ANKRD10: variants seen among roughly 807,000 people sequenced by gnomAD.
ANKRD10 encodes the protein ankyrin repeat domain-containing protein 10.
In ANKRD10, 14 loss-of-function variants were observed where a neutral mutation model predicts 27.0. The ratio of observed to expected loss-of-function variants is 0.52; its 90% confidence interval spans 0.34 to 0.81. The LOEUF (loss-of-function observed/expected upper bound fraction) is 0.81. ANKRD10 is among the 40% of genes least tolerant of loss of function. ANKRD10 has a pLI of 0.01. For synonymous variants in ANKRD10, 250 were observed against 224.5 expected (o/e 1.11, Z -1.01); for missense variants, 493 against 544.0 (o/e 0.91, Z 0.93).
In ANKRD10 at chr13:110,880,096, G is replaced by A. The variant is rs937518290; in HGVS notation, c.804C>T (p.Ser268=). ...FAVVTDMKNS[S]SVSNTLTNGC... ...CATTTGTCAATGTATTCGATACGGA[G>A]CTACTGTTTTTCATATCTGCATTAA... The change falls in exon 6 of 6, where the codon AGC becomes AGT. Residue 268 remains serine (S), a synonymous_variant. Transcript: ENST00000267339. 2.7e-5 allele frequency: 44 copies of A among 1,613,004 alleles called. No individual in the cohort carries two copies. The highest frequency in any genetic ancestry group is 3.7e-5 in the Non-Finnish European group (44 of 1,179,076).
At chr13:110,896,628 G>C (rs1473765567) in intron 3 of ANKRD10, among the ~76,000 whole-genome samples, 1 of 152,190 alleles carries the variant, frequency 6.6e-6, no homozygotes, top group Admixed American at 6.5e-5. Context: ...TTTCTAAAAA[G>C]GACTATGTAG....
intron 4 of ANKRD10, among the ~76,000 whole-genome samples, chr13:110,883,996 A>C (rs1168395965): frequency 6.6e-6 from 1 of 152,212 alleles, no homozygotes. Flanking sequence ...TGCAGATTTT[A>C]AGGTCATGGA....
chr13:110,887,218 G>A (rs1459906862), intron 4 of ANKRD10, among the ~76,000 whole-genome samples: 2 of 152,162 alleles, frequency 1.3e-5, no homozygotes, highest in African/African-American at 4.8e-5. Context: ...GAAATTTGGG[G>A]GTTGCACAAA....
chr13:110,914,985 G>A lies in ANKRD10; in HGVS notation c.-51C>T, dbSNP rs1039349392. The A allele has an allele frequency of 4.7e-6, 7 of 1,500,192 alleles. No homozygotes were observed. The highest frequency in any genetic ancestry group is 1.4e-5 in the African/African-American group (1 of 71,670). The allele number at this position is 1,500,192 out of a possible 1,614,324, so 92.9% of individuals were successfully genotyped here. A position where few individuals can be genotyped will look rare whatever the true frequency, so the allele number is the denominator to read the frequency against. Reference sequence around the variant, plus strand: ...TCGCTGGCCTAGAGGACGCGTCGGGGAGGACTCGAGAAGCCGCCGCCGCAG... The same window carrying A: ...TCGCTGGCCTAGAGGACGCGTCGGGAAGGACTCGAGAAGCCGCCGCCGCAG... On this transcript the variant is annotated 5_prime_UTR_variant, in exon 1 of 6. Coordinates refer to ENST00000267339, the MANE Select transcript of ANKRD10 (RefSeq NM_017664.4).
At chr13:110,882,656 C>T (rs1305752111) in intron 5 of ANKRD10, among the ~76,000 whole-genome samples, 1 of 152,146 alleles carries the variant, frequency 6.6e-6, no homozygotes, top group Admixed American at 6.5e-5. Flanking sequence ...GTCAAATAGC[C>T]CCTGACTACA....
chr13:110,879,176 G>A lies in ANKRD10; in HGVS notation c.*461C>T, dbSNP rs1419274768. 5.7e-6 allele frequency: 1 copy of A among 176,936 alleles called. No individual in the cohort carries two copies. Among genetic ancestry groups the A allele is most frequent in the Non-Finnish European group, 1.2e-5 (1 of 80,814 alleles). The allele number at this position is 176,936 out of a possible 1,614,324, so 11.0% of individuals were successfully genotyped here. Reference sequence around the variant, plus strand: ...CAAATCACTGCAGAAATCTTTGTAAGGCTGTACCTTGCATAGGGAAATAGC... The same window carrying A: ...CAAATCACTGCAGAAATCTTTGTAAAGCTGTACCTTGCATAGGGAAATAGC... On this transcript the variant is annotated 3_prime_UTR_variant, in exon 6 of 6. Coordinates refer to ENST00000267339, the MANE Select transcript of ANKRD10 (RefSeq NM_017664.4).
chr13:110,905,901 T>C, intron 3 of ANKRD10, 132 bp downstream of exon 3: 1 of 802,964 alleles, frequency 1.2e-6, no homozygotes, highest in East Asian at 2.8e-5. Flanking sequence ...ACACCAACTG[T>C]TCTAAAAGGC....
rs1490129896 is a variant in ANKRD10 at position 110,880,117 on chromosome 13, A to G, written c.788-5T>C. On this transcript the variant is annotated splice_polypyrimidine_tract_variant and splice_region_variant and intron_variant, in intron 5 of 5. Coordinates refer to ENST00000267339, the MANE Select transcript of ANKRD10 (RefSeq NM_017664.4). ...CGGAGCTACTGTTTTTCATATCTGC[A>G]TTAAGAAATACACCTGTCACCAAAA... 2.5e-6 allele frequency: 4 copies of G among 1,607,718 alleles called. No homozygotes were observed. The Admixed American group carries it at 5.0e-5, about 20-fold the overall frequency.
intron 3 of ANKRD10, chr13:110,894,409 A>AAAAAAAAAAAC (rs2065168219): frequency 7.7e-6 from 2 of 260,848 alleles, no homozygotes; most frequent in South Asian, 2.7e-4. Flanking sequence ...AATGCAAAAA[A>AAAAAAAAAAAC]AAAAAAAAAA....
chr13:110,911,204 C>T (rs781181945), intron 1 of ANKRD10, among the ~76,000 whole-genome samples: 4 of 152,108 alleles, frequency 2.6e-5, no homozygotes, highest in Admixed American at 6.5e-5. Context: ...AATCCTAGCA[C>T]TTTGGGAGGC....
intron 4 of ANKRD10, among the ~76,000 whole-genome samples, chr13:110,885,663 A>C (rs1457184102): frequency 6.6e-6 from 1 of 152,204 alleles, no homozygotes; most frequent in Non-Finnish European, 1.5e-5. Flanking sequence ...CCTTCATGGC[A>C]CGCAGACACA....
intron 4 of ANKRD10, 77 bp from the exon 5 acceptor site, chr13:110,883,870 T>G (rs1268470107): frequency 6.5e-7 from 1 of 1,532,612 alleles, no homozygotes; most frequent in Non-Finnish European, 8.9e-7. Context: ...GTTTACATTA[T>G]TTTGTGTGAG....
intron 3 of ANKRD10, among the ~76,000 whole-genome samples, chr13:110,898,685 AC>A (rs2065294269): frequency 6.7e-6 from 1 of 148,422 alleles, no homozygotes; most frequent in Non-Finnish European, 1.5e-5. Context: ...TGCTCCTCCC[AC>A]TTCAGCCTCC....
Position 110,915,036 on chromosome 13 carries a change from G to C in ANKRD10, c.-102C>G, listed in dbSNP as rs1379544010. 4 of 1,438,946 alleles carry C rather than the reference G, an allele frequency of 2.8e-6. No homozygotes were observed. The highest frequency in any genetic ancestry group is 2.9e-5 in the African/African-American group (2 of 68,040). The allele number at this position is 1,438,946 out of a possible 1,614,324, so 89.1% of individuals were successfully genotyped here. ...CACAAAGGAACGAGACTAGCGCCGC[G>C]GTCGCGTCCCACAGGCTGCCGAGCG... On this transcript the variant is annotated 5_prime_UTR_variant, in exon 1 of 6. Transcript: ENST00000267339.
intron 3 of ANKRD10, chr13:110,900,714 G>A: frequency 1.5e-6 from 2 of 1,339,472 alleles, no homozygotes; most frequent in Non-Finnish European, 2.0e-6. Flanking sequence ...ATTGACATGT[G>A]TAGTTTTTAC....
intron 4 of ANKRD10, among the ~76,000 whole-genome samples, chr13:110,892,194 G>A (rs1016327693): frequency 6.7e-6 from 1 of 150,036 alleles, no homozygotes; most frequent in Non-Finnish European, 1.5e-5. Flanking sequence ...CACTTTGGGA[G>A]GCCGAGGCAG....
At chr13:110,888,047 G>A (rs145355878) in intron 4 of ANKRD10, among the ~76,000 whole-genome samples, 69 of 152,258 alleles carry the variant, frequency 4.5e-4, no homozygotes, top group Non-Finnish European at 6.8e-4. Context: ...TCTATTATGA[G>A]GTGACCTTTC....
chr13:110,893,504 C>G (rs2065139144), intron 3 of ANKRD10, among the ~76,000 whole-genome samples: 1 of 152,208 alleles, frequency 6.6e-6, no homozygotes, highest in Non-Finnish European at 1.5e-5. Context: ...AAGGCATCTT[C>G]CTATTTAACT....
At chr13:110,914,613 G>A (rs2065831869) in intron 1 of ANKRD10, 112 bp downstream of exon 1, 3 of 1,416,468 alleles carry the variant, frequency 2.1e-6, no homozygotes, top group Non-Finnish European at 1.9e-6. Flanking sequence ...CGTCGATCCC[G>A]CTTCCGCCCC....
Sources: gnomAD v4.1 joint callset for allele counts (sites outside exome capture counted in the v4.1 genomes callset) on GRCh38, gnomAD v4.1.1 for gene constraint, MANE v1.5 for transcripts, NCBI Gene and HGNC (gene_info 2026-07-23, HGNC 2026-07-21) for gene names.